GHR: variants seen among roughly 807,000 people sequenced by gnomAD.
GHR encodes growth hormone receptor.
A neutral mutation model predicts 67.1 loss-of-function variants in GHR; 35 were observed. That is an observed-to-expected ratio of 0.52 (90% confidence interval 0.40 to 0.69). The LOEUF (loss-of-function observed/expected upper bound fraction) is 0.69. Among genes scored for constraint, GHR ranks in the 30% least tolerant of loss-of-function variants. GHR has a pLI of 0.00. For synonymous variants in GHR, 272 were observed against 269.1 expected, an observed-to-expected ratio of 1.01 and a Z score of -0.10; for missense variants, 792 against 764.6, an observed-to-expected ratio of 1.04 and a Z score of -0.42.
chr5:42,568,627 C>A (rs1579956386), intron 2 of GHR, among the ~76,000 whole-genome samples: 1 of 152,144 alleles, frequency 6.6e-6, no homozygotes, highest in East Asian at 1.9e-4. Flanking sequence ...AATCAGTCTA[C>A]CCTTGAATAT....
intron 1 of GHR, chr5:42,467,841 C>T: frequency 9.3e-7 from 1 of 1,071,956 alleles, no homozygotes; most frequent in Non-Finnish European, 1.4e-6. Context: ...GGATTGTTAA[C>T]AGTGTCAGAA....
chr5:42,585,418 G>C (rs1029279755), intron 2 of GHR, among the ~76,000 whole-genome samples: 4 of 140,520 alleles, frequency 2.8e-5, no homozygotes, highest in African/African-American at 1.0e-4. Context: ...GTGAATTTGA[G>C]TTTTAGGATG....
At chr5:42,512,747 C>T (rs1416029887) in intron 1 of GHR, among the ~76,000 whole-genome samples, 1 of 151,966 alleles carries the variant, frequency 6.6e-6, no homozygotes, top group Non-Finnish European at 1.5e-5. Flanking sequence ...TGAAAACTAA[C>T]TTTACAGGTT....
intron 1 of GHR, among the ~76,000 whole-genome samples, chr5:42,555,687 T>A (rs971355321): frequency 1.3e-5 from 2 of 152,180 alleles, no homozygotes; most frequent in Non-Finnish European, 2.9e-5. Context: ...AGAAGGTACC[T>A]GGCACACTTA....
chr5:42,592,378 T>C (rs1751828260), intron 2 of GHR, among the ~76,000 whole-genome samples: 1 of 152,192 alleles, frequency 6.6e-6, no homozygotes, highest in East Asian at 1.9e-4. Flanking sequence ...ATAAACATGG[T>C]TTCCAATAGG....
chr5:42,695,224 G>A (rs943250288), intron 5 of GHR, 135 bp downstream of exon 5: 21 of 711,464 alleles, frequency 3.0e-5, no homozygotes, highest in Non-Finnish European at 5.1e-5. Flanking sequence ...TGTTTTACAG[G>A]AGATGGGATC....
At chr5:42,440,991 C>G (rs1743540117) in intron 1 of GHR, among the ~76,000 whole-genome samples, 1 of 152,024 alleles carries the variant, frequency 6.6e-6, no homozygotes, top group South Asian at 2.1e-4. Flanking sequence ...AAGACTTCCT[C>G]AAAGAGACAC....
chr5:42,566,698 G>A (rs1238205167), intron 2 of GHR, among the ~76,000 whole-genome samples: 1 of 150,718 alleles, frequency 6.6e-6, no homozygotes, highest in Non-Finnish European at 1.5e-5. Context: ...AGTACTTGAT[G>A]TTTTTCCTTG....
rs989198028 is a variant in GHR, at chr5:42,701,673, A to G, written c.618+1671A>G. Among the ~76,000 whole-genome samples the G allele has an allele frequency of 4.6e-5, 7 of 152,232 alleles. No homozygotes were observed. The East Asian group carries it at 1.4e-3, about 29-fold the overall frequency. ...AAAATTTGACTTTTCAAAGCAATTC[A>G]TTTTGCCTTTTTCGAAAATTTGTGT... On this transcript the variant is annotated intron_variant, in intron 6 of 9. Coordinates refer to ENST00000230882, the MANE Select transcript of GHR (RefSeq NM_000163.5).
At chr5:42,556,384 A>G (rs1749311470) in intron 1 of GHR, among the ~76,000 whole-genome samples, 1 of 152,138 alleles carries the variant, frequency 6.6e-6, no homozygotes, top group Non-Finnish European at 1.5e-5. Context: ...CTCCTTTTAG[A>G]TTAGGTAAAA....
At chr5:42,714,438 C>T (rs1296731272) in intron 8 of GHR, among the ~76,000 whole-genome samples, 1 of 152,046 alleles carries the variant, frequency 6.6e-6, no homozygotes, top group Admixed American at 6.5e-5. Context: ...AAAATGAGAT[C>T]TATGTTAATA....
chr5:42,666,951 T>C (rs1756015511), intron 3 of GHR, among the ~76,000 whole-genome samples: 1 of 152,284 alleles, frequency 6.6e-6, no homozygotes, highest in South Asian at 2.1e-4. Flanking sequence ...TGGTGAAAAG[T>C]CGTAGGTTTC....
chr5:42,440,895 AACAC>A (rs1743535963), intron 1 of GHR, among the ~76,000 whole-genome samples: 1 of 152,220 alleles, frequency 6.6e-6, no homozygotes, highest in African/African-American at 2.4e-5. Flanking sequence ...CTGAGTGGAA[AACAC>A]TAGAGGGAGA....
Position 42,537,290 on chromosome 5 carries a change from G to A in GHR, c.-11-28574G>A, listed in dbSNP as rs538288919. Among the ~76,000 whole-genome samples, 4 of 152,112 alleles carry A rather than the reference G, an allele frequency of 2.6e-5. No individual in the cohort carries two copies. In the East Asian group the frequency reaches 7.7e-4, roughly 29 times the overall value. On this transcript the variant is annotated intron_variant, in intron 1 of 9. Transcript: ENST00000230882. ...TTCTTTCAGTCTTTTTGACATAGGT[G>A]TTAGGGCTATGAACTTTCCTCTTAG...
intron 3 of GHR, among the ~76,000 whole-genome samples, chr5:42,651,751 T>G (rs1024118961): frequency 2.6e-5 from 4 of 152,190 alleles, no homozygotes; most frequent in African/African-American, 9.6e-5. Context: ...TGCTATCATC[T>G]TCAGTGTTAT....
chr5:42,661,104 T>C (rs1028520505), intron 3 of GHR, among the ~76,000 whole-genome samples: 8 of 152,036 alleles, frequency 5.3e-5, no homozygotes, highest in Admixed American at 2.0e-4. Context: ...TGGGACTATG[T>C]GAAAAGACCA....
At chr5:42,497,593 C>G (rs1368959258) in intron 1 of GHR, among the ~76,000 whole-genome samples, 1 of 152,170 alleles carries the variant, frequency 6.6e-6, no homozygotes, top group Non-Finnish European at 1.5e-5. Flanking sequence ...TCACCTATGG[C>G]TCCTTTCTCA....
intron 9 of GHR, 152 bp downstream of exon 9, chr5:42,718,273 C>G: frequency 1.4e-6 from 1 of 723,986 alleles, no homozygotes; most frequent in East Asian, 2.7e-5. Flanking sequence ...TATTCTATTT[C>G]TTAAAAATAA....
At chr5:42,646,736 G>A in intron 3 of GHR, among the ~76,000 whole-genome samples, 1 of 152,190 alleles carries the variant, frequency 6.6e-6, no homozygotes, top group African/African-American at 2.4e-5. Flanking sequence ...GAGGTGCTTG[G>A]TGACGTCCTG....
Sources: gnomAD v4.1 joint callset for allele counts (sites outside exome capture counted in the v4.1 genomes callset) on GRCh38, gnomAD v4.1.1 for gene constraint, MANE v1.5 for transcripts, NCBI Gene and HGNC (gene_info 2026-07-23, HGNC 2026-07-21) for gene names.